Variants in PADI4 observed in about 807,000 individuals in gnomAD.
PADI4 encodes the protein peptidyl arginine deiminase 4.
A neutral mutation model predicts 75.0 loss-of-function variants in PADI4; 62 were observed. That is an observed-to-expected ratio of 0.83 (90% CI 0.67 to 1.02). The LOEUF is 1.02. Ranked by LOEUF, PADI4 falls within the 50% of genes least tolerant of loss-of-function variation. The pLI, the probability that PADI4 is intolerant of heterozygous loss-of-function variation, is 0.00. For missense variants in PADI4, 845 were observed against 850.5 expected, an observed-to-expected ratio of 0.99 and a Z score of 0.08; for synonymous variants, 361 against 348.1, an observed-to-expected ratio of 1.04 and a Z score of -0.41.
At chr1:17,317,516 G>A (rs1410380089) in intron 1 of PADI4, among the ~76,000 whole-genome samples, 1 of 150,892 alleles carries the variant, frequency 6.6e-6, no homozygotes, top group East Asian at 2.0e-4. Flanking sequence ...TGATCCGCCC[G>A]TCTCGGCCTC....
In PADI4 at chr1:17,363,810, C is replaced by A. The variant is rs2074882648; in HGVS notation, c.*55C>A. 1 of 1,273,364 alleles carries A rather than the reference C, an allele frequency of 7.9e-7. No homozygotes were observed. The highest frequency in any genetic ancestry group is 1.1e-6 in the Non-Finnish European group (1 of 880,014). The allele number at this position is 1,273,364 out of a possible 1,614,324, so 78.9% of individuals were successfully genotyped here. On this transcript the variant is annotated 3_prime_UTR_variant, in exon 16 of 16. Coordinates refer to ENST00000375448, the MANE Select transcript of PADI4 (RefSeq NM_012387.3). The stretch of plus-strand genomic sequence containing the variant: ...TGGCCAGATGTCGCTGGGTCCTCTG[C>A]AGTGTGGCAAGCAAGAGCTCTTGTG...
At chr1:17,338,278 C>T in intron 5 of PADI4, 123 bp downstream of exon 5, 1 of 664,798 alleles carries the variant, frequency 1.5e-6, no homozygotes, top group South Asian at 1.6e-5. Flanking sequence ...GTTGGCAAAT[C>T]TGTTTTATAG....
chr1:17,324,698 T>C (rs2074090850), intron 1 of PADI4, among the ~76,000 whole-genome samples: 1 of 152,156 alleles, frequency 6.6e-6, no homozygotes, highest in African/African-American at 2.4e-5. Flanking sequence ...GAGTCTTGTT[T>C]CAGAGAAAGC....
chr1:17,357,850 G>C (rs957696189), intron 13 of PADI4, among the ~76,000 whole-genome samples: 3 of 151,028 alleles, frequency 2.0e-5, no homozygotes, highest in African/African-American at 7.3e-5. Flanking sequence ...AGAATCACTC[G>C]AACCCGGGAG....
chr1:17,313,597 C>T (rs1324308442), intron 1 of PADI4, among the ~76,000 whole-genome samples: 1 of 151,018 alleles, frequency 6.6e-6, no homozygotes, highest in Non-Finnish European at 1.5e-5. Context: ...CAGTTCCTAG[C>T]TTGACTTTCC....
chr1:17,351,713 G>A (rs548469486), intron 10 of PADI4, among the ~76,000 whole-genome samples: 3 of 152,202 alleles, frequency 2.0e-5, no homozygotes, highest in East Asian at 1.9e-4. Context: ...GGAGGTGAGC[G>A]AGTTGGCCAT....
intron 1 of PADI4, among the ~76,000 whole-genome samples, chr1:17,314,676 C>T (rs1469939285): frequency 6.6e-6 from 1 of 152,218 alleles, no homozygotes; most frequent in Non-Finnish European, 1.5e-5. Context: ...GGTCACAGAG[C>T]CTGTCAGAAG....
intron 5 of PADI4, 123 bp from the exon 6 acceptor site, chr1:17,339,565 A>T: frequency 2.2e-6 from 2 of 913,262 alleles, no homozygotes; most frequent in East Asian, 2.4e-5. Flanking sequence ...ACCAGGCAAC[A>T]TGGTAAAGGG....
At chr1:17,328,796 T>C (rs944989541) in intron 1 of PADI4, among the ~76,000 whole-genome samples, 1 of 152,112 alleles carries the variant, frequency 6.6e-6, no homozygotes, top group Non-Finnish European at 1.5e-5. Context: ...TTTTATGACT[T>C]TTTTGTATAC....
At position 17,331,089 on chromosome 1, in the gene PADI4, C is replaced by T. The variant is rs1570021147; in HGVS notation, c.213C>T (p.Asp71=). The change falls in exon 2 of 16, where the codon GAC becomes GAT. Residue 71 remains aspartate, a synonymous_variant. Transcript: ENST00000375448. ...KSTGSSTWPL[D]PGVEVTLTMK... ...CAGGTTCCTCCACATGGCCCCTGGA[C>T]CCTGGGGTAGAGGTGACCCTGACGA... is the stretch of plus-strand genomic sequence containing the variant. The T allele has an allele frequency of 6.2e-7, 1 of 1,612,482 alleles. No homozygotes were observed. Among genetic ancestry groups the T allele is most frequent in the Non-Finnish European group, 8.5e-7 (1 of 1,179,298 alleles).
At chr1:17,359,449 G>A (rs764952130) in intron 15 of PADI4, 41 bp downstream of exon 15, 1 of 1,612,680 alleles carries the variant, frequency 6.2e-7, no homozygotes, top group South Asian at 1.1e-5. Flanking sequence ...GTGTGGCATG[G>A]AGGTAGCTCA....
At chr1:17,344,134 T>G (rs1283825023) in intron 8 of PADI4, among the ~76,000 whole-genome samples, 2 of 152,216 alleles carry the variant, frequency 1.3e-5, no homozygotes, top group Non-Finnish European at 2.9e-5. Context: ...AGGAACTTGT[T>G]GGGAACCGGA....
chr1:17,354,761 G>T, intron 11 of PADI4, 74 bp downstream of exon 11: 2 of 1,347,022 alleles, frequency 1.5e-6, no homozygotes. Context: ...CAGAGTGGAA[G>T]CCTTGCCTTC....
chr1:17,313,743 T>C (rs75437833), intron 1 of PADI4, among the ~76,000 whole-genome samples: 3,585 of 152,096 alleles, frequency 0.024, 138 homozygotes, highest in African/African-American at 0.082. Context: ...AGATGGCGGA[T>C]GCTGGAGTTG....
chr1:17,334,134 G>C, intron 3 of PADI4, 125 bp downstream of exon 3: 1 of 668,884 alleles, frequency 1.5e-6, no homozygotes, highest in Non-Finnish European at 2.7e-6. Context: ...GAAAAAGCAT[G>C]GTTTCTAGCC....
intron 1 of PADI4, among the ~76,000 whole-genome samples, chr1:17,324,719 T>C (rs2074091129): frequency 1.3e-5 from 2 of 152,246 alleles, no homozygotes; most frequent in Admixed American, 1.3e-4. Context: ...ATAAATATGT[T>C]ATCCTGTATC....
At chr1:17,322,896 T>C (rs1284869441) in intron 1 of PADI4, among the ~76,000 whole-genome samples, 1 of 152,166 alleles carries the variant, frequency 6.6e-6, no homozygotes, top group African/African-American at 2.4e-5. Flanking sequence ...TAGCTATCTA[T>C]ACTGTGTAAC....
Position 17,356,273 on chromosome 1 carries a change from A to G in PADI4, c.1456-84A>G. On this transcript the variant is annotated intron_variant, in intron 12 of 15. Coordinates refer to ENST00000375448, the MANE Select transcript of PADI4 (RefSeq NM_012387.3). The surrounding 1 kb of genome is among the most constrained non-coding windows in gnomAD (Gnocchi z 4.1). ...GTGGCCAGCTTGGGTCCAAGTCCAC[A>G]CTACTCCCACCCTCAGCAGATCCAC... 3.2e-6 allele frequency: 4 copies of G among 1,265,892 alleles called. No individual in the cohort carries two copies. The highest frequency in any genetic ancestry group is 4.4e-6 in the Non-Finnish European group (4 of 903,188). The allele number at this position is 1,265,892 out of a possible 1,614,324, so 78.4% of individuals were successfully genotyped here.
At chr1:17,324,411 T>C (rs2074086162) in intron 1 of PADI4, among the ~76,000 whole-genome samples, 1 of 152,160 alleles carries the variant, frequency 6.6e-6, no homozygotes, top group Non-Finnish European at 1.5e-5. Flanking sequence ...GTTGTGAATA[T>C]ATTCTCCTTA....
Sources: gnomAD v4.1 joint callset for allele counts (sites outside exome capture counted in the v4.1 genomes callset) on GRCh38, gnomAD v4.1.1 for gene constraint, Gnocchi (gnomAD v3.1) non-coding constraint, MANE v1.5 for transcripts, NCBI Gene and HGNC (gene_info 2026-07-23, HGNC 2026-07-21) for gene names.